The following ISG20 variants were observed in gnomAD, a reference collection of about 807,000 sequenced individuals.
ISG20 encodes the protein interferon stimulated exonuclease gene 20, also known as interferon-stimulated gene 20 kDa protein.
Under a neutral mutation model 11.1 loss-of-function variants are expected in ISG20, and 8 were observed. The observed-to-expected ratio is 0.72, with a 90% CI of 0.42 to 1.30. ISG20 has a LOEUF of 1.30. Ranked by LOEUF, ISG20 falls within the 50% of genes most tolerant of loss-of-function variation. The probability of loss-of-function intolerance (pLI) is 0.01; values close to 1 mark genes in which losing one functional copy is unlikely to be tolerated. For synonymous variants in ISG20, 110 were observed against 101.7 expected (o/e 1.08, Z -0.49); for missense variants, 243 against 250.2 (o/e 0.97, Z 0.19).
intron 3 of ISG20, among the ~76,000 whole-genome samples, chr15:88,654,366 A>C (rs181313422): frequency 6.6e-6 from 1 of 152,168 alleles, no homozygotes; most frequent in African/African-American, 2.4e-5. Context: ...AAATAAAACA[A>C]TACAGCGTAA....
At chr15:88,652,592 G>T (rs146244798) in intron 3 of ISG20, among the ~76,000 whole-genome samples, 1 of 62,538 alleles carries the variant, frequency 1.6e-5, no homozygotes, top group Non-Finnish European at 3.2e-5. Context: ...CCACCTCCTC[G>T]CTCTTCTCCC....
intron 2 of ISG20, among the ~76,000 whole-genome samples, chr15:88,640,333 C>T (rs2058449448): frequency 6.6e-6 from 1 of 152,176 alleles, no homozygotes; most frequent in Non-Finnish European, 1.5e-5. Context: ...CCGTGCCAGG[C>T]TCCAGGTGCT....
At chr15:88,644,766 A>C (rs2141394526) in intron 2 of ISG20, among the ~76,000 whole-genome samples, 1 of 152,320 alleles carries the variant, frequency 6.6e-6, no homozygotes, top group East Asian at 1.9e-4. Context: ...CCCCGCCCTC[A>C]GATTCCCACT....
Position 88,639,654 on chromosome 15 carries a change from C to T in ISG20, c.228+60C>T. 3.0e-6 allele frequency: 4 copies of T among 1,343,592 alleles called. No homozygotes were observed. The South Asian group carries it at 3.6e-5, about 12-fold the overall frequency. The allele number at this position is 1,343,592 out of a possible 1,614,324, so 83.2% of individuals were successfully genotyped here. A position where few individuals can be genotyped will look rare whatever the true frequency, so the allele number is the denominator to read the frequency against. ...ATAACCCCTCTCCCACTTCCCTGGC[C>T]CCTCTTCCCTGGTGCCCATCTGTGA... On this transcript the variant is annotated intron_variant, in intron 2 of 3. Coordinates refer to ENST00000306072, the MANE Select transcript of ISG20 (RefSeq NM_002201.6). This position sits in a 1 kb window ranked among gnomAD's most constrained non-coding sequence, Gnocchi z 4.2.
Position 88,650,456 on chromosome 15 carries a change from C to T in ISG20, c.229-1654C>T. 6.9e-7 allele frequency: 1 copy of T among 1,455,502 alleles called. No individual in the cohort carries two copies. Among genetic ancestry groups the T allele is most frequent in the East Asian group, 2.5e-5 (1 of 39,888 alleles). The allele number at this position is 1,455,502 out of a possible 1,614,324, so 90.2% of individuals were successfully genotyped here. ...GGCTCTGGATTCATCCCACTGGCTT[C>T]AAGGCCTGGCTTTGCCACTAACTAG... On this transcript the variant is annotated intron_variant, in intron 2 of 3. Transcript: ENST00000306072. This position sits in a 1 kb window ranked among gnomAD's most constrained non-coding sequence, Gnocchi z 4.0.
Position 88,650,302 on chromosome 15 carries a change from A to T in ISG20, c.229-1808A>T. 6.5e-7 allele frequency: 1 copy of T among 1,535,612 alleles called. No homozygotes were observed. Among genetic ancestry groups the T allele is most frequent in the Non-Finnish European group, 8.7e-7 (1 of 1,146,854 alleles). The stretch of plus-strand genomic sequence containing the variant: ...GCTGACTGGCCTGTGTGACCAGAGC[A>T]GGGCAGGCTGTCCATGTGGGAGGCG... On this transcript the variant is annotated intron_variant, in intron 2 of 3. Coordinates refer to ENST00000306072, the MANE Select transcript of ISG20 (RefSeq NM_002201.6). This position sits in a 1 kb window ranked among gnomAD's most constrained non-coding sequence, Gnocchi z 4.0.
In ISG20 at chr15:88,639,577, G is replaced by A. The variant is rs771269112; in HGVS notation, c.211G>A (p.Ala71Thr). 3.1e-6 allele frequency: 5 copies of A among 1,614,108 alleles called. No homozygotes were observed. Among genetic ancestry groups the A allele is most frequent in the Non-Finnish European group, 4.2e-6 (5 of 1,180,006 alleles). Residue 71 changes from alanine to threonine, a missense_variant, in exon 2 of 4, where the codon GCC becomes ACC. Coordinates refer to ENST00000306072, the MANE Select transcript of ISG20 (RefSeq NM_002201.6). The surrounding 1 kb of genome is among the most constrained non-coding windows in gnomAD (Gnocchi z 4.2). Reference protein sequence around the residue: ...PQHMVGATPFAVARLEILQLL... With the variant: ...PQHMVGATPFTVARLEILQLL... ...GCACATGGTGGGGGCCACACCATTT[G>A]CCGTGGCCAGGCTAGAGGTGAGTGA...
rs1224513435 is a variant in ISG20 at position 88,650,642 on chromosome 15, T to C, written c.229-1468T>C. The C allele has an allele frequency of 2.8e-6, 1 of 356,566 alleles. No homozygotes were observed. Among genetic ancestry groups the C allele is most frequent in the African/African-American group, 2.1e-5 (1 of 47,172 alleles). The allele number at this position is 356,566 out of a possible 1,614,324, so 22.1% of individuals were successfully genotyped here. On this transcript the variant is annotated intron_variant, in intron 2 of 3. Transcript: ENST00000306072. The surrounding 1 kb of genome is among the most constrained non-coding windows in gnomAD (Gnocchi z 4.0). ...TTAAGGCACCTTGAAGGCTGGGGGC[T>C]GGAACCATTGGAAGGTTTGCTCACC...
intron 2 of ISG20, chr15:88,651,876 T>G: frequency 7.2e-7 from 1 of 1,386,234 alleles, no homozygotes; most frequent in Non-Finnish European, 9.4e-7. Context: ...CCTACACAGT[T>G]CAGCTCCTGA....
Position 88,655,630 on chromosome 15 carries a change from C to T in ISG20, c.*99C>T. ...AAATACATTTTTAATAGTAAAGTGGCTCTATATTTTCTCTACGCCATCACT... is the reference window on the plus strand; with the variant it reads ...AAATACATTTTTAATAGTAAAGTGGTTCTATATTTTCTCTACGCCATCACT... On this transcript the variant is annotated 3_prime_UTR_variant, in exon 4 of 4. Coordinates refer to ENST00000306072, the MANE Select transcript of ISG20 (RefSeq NM_002201.6). 1 of 792,282 alleles carries T rather than the reference C, an allele frequency of 1.3e-6. No homozygotes were observed. The highest frequency in any genetic ancestry group is 1.7e-5 in the South Asian group (1 of 59,440). 49.1% of individuals were successfully genotyped at this position (792,282 alleles called of 1,614,324 possible). A position where few individuals can be genotyped will look rare whatever the true frequency, so the allele number is the denominator to read the frequency against.
At position 88,650,304 on chromosome 15, in the gene ISG20, G is replaced by C. The variant is rs2058251914; in HGVS notation, c.229-1806G>C. 4.6e-6 allele frequency: 7 copies of C among 1,535,588 alleles called. No homozygotes were observed. Among genetic ancestry groups the C allele is most frequent in the Admixed American group, 2.0e-5 (1 of 50,980 alleles). On this transcript the variant is annotated intron_variant, in intron 2 of 3. Transcript: ENST00000306072. The surrounding 1 kb of genome is among the most constrained non-coding windows in gnomAD (Gnocchi z 4.0). ...TGACTGGCCTGTGTGACCAGAGCAG[G>C]GCAGGCTGTCCATGTGGGAGGCGAG...
intron 3 of ISG20, among the ~76,000 whole-genome samples, chr15:88,654,513 C>T (rs970033716): frequency 2.0e-5 from 3 of 152,200 alleles, no homozygotes; most frequent in African/African-American, 7.2e-5. Flanking sequence ...CAAGAAAACG[C>T]AGCCAGGTCC....
intron 2 of ISG20, among the ~76,000 whole-genome samples, chr15:88,645,774 C>G (rs2058162253): frequency 6.6e-6 from 1 of 152,172 alleles, no homozygotes; most frequent in Admixed American, 6.5e-5. Context: ...CACTCCTGCC[C>G]ACCATCGCTG....
Position 88,643,456 on chromosome 15 carries a change from C to T in ISG20, c.228+3862C>T, listed in dbSNP as rs1245993244. 6.6e-6 allele frequency among the ~76,000 whole-genome samples: 1 copy of T among 152,106 alleles called. No homozygotes were observed. The highest frequency in any genetic ancestry group is 1.9e-4 in the East Asian group (1 of 5,196). On this transcript the variant is annotated intron_variant, in intron 2 of 3. Coordinates refer to ENST00000306072, the MANE Select transcript of ISG20 (RefSeq NM_002201.6). The surrounding 1 kb of genome is among the most constrained non-coding windows in gnomAD (Gnocchi z 4.4). The stretch of plus-strand genomic sequence containing the variant: ...CAGTGGTTCACACCTGTAATCTCAG[C>T]ACTTTGGGAGGCTGAGGCAGGTGGA...
intron 2 of ISG20, chr15:88,647,356 C>T (rs908427745): frequency 2.6e-5 from 4 of 152,036 alleles, no homozygotes; most frequent in African/African-American, 9.7e-5. Context: ...GGATATTTAG[C>T]AATGTTGGGA....
Position 88,640,434 on chromosome 15 carries a change from C to G in ISG20, c.228+840C>G, listed in dbSNP as rs2058060708. ...AGCACTGGCCATTCCTGAGCTCATTCACTCCTCACAAACAGCCCTGCCAGG... is the reference window on the plus strand; with the variant it reads ...AGCACTGGCCATTCCTGAGCTCATTGACTCCTCACAAACAGCCCTGCCAGG... On this transcript the variant is annotated intron_variant, in intron 2 of 3. Transcript: ENST00000306072. Among the ~76,000 whole-genome samples, 3 of 152,238 alleles carry G rather than the reference C, an allele frequency of 2.0e-5. No homozygotes were observed. The South Asian group carries it at 6.2e-4, about 31-fold the overall frequency.
At position 88,649,764 on chromosome 15, in the gene ISG20, G is replaced by A. The variant is rs146202102; in HGVS notation, c.229-2346G>A. 44 of 162,946 alleles carry A rather than the reference G, an allele frequency of 2.7e-4. No homozygotes were observed. In the East Asian group the frequency reaches 7.5e-3, roughly 28 times the overall value. 10.1% of individuals were successfully genotyped at this position (162,946 alleles called of 1,614,324 possible). A position where few individuals can be genotyped will look rare whatever the true frequency, so the allele number is the denominator to read the frequency against. Reference sequence around the variant, plus strand: ...TGACCTCTAGCACACTCAAGTTTGAGAAGCGCTGGTGTGGTTCAGGAGCAG... The same window carrying A: ...TGACCTCTAGCACACTCAAGTTTGAAAAGCGCTGGTGTGGTTCAGGAGCAG... On this transcript the variant is annotated intron_variant, in intron 2 of 3. Transcript: ENST00000306072.
Position 88,652,252 on chromosome 15 carries a change from A to G in ISG20, c.371A>G (p.His124Arg), listed in dbSNP as rs1316432188. The G allele has an allele frequency of 6.2e-7, 1 of 1,613,790 alleles. No homozygotes were observed. Among genetic ancestry groups the G allele is most frequent in the Admixed American group, 1.7e-5 (1 of 60,008 alleles). ...RLLWREAKLD[H>R]CRRVSLRVLS... ...TTGTGGCGTGAGGCCAAGCTGGACCACTGCAGGCGTGTCTCCCTGCGGGTG... is the reference window on the plus strand; with the variant it reads ...TTGTGGCGTGAGGCCAAGCTGGACCGCTGCAGGCGTGTCTCCCTGCGGGTG... The change falls in exon 3 of 4, where the codon CAC (histidine) becomes CGC (arginine). Residue 124 changes from histidine to arginine, a missense_variant. His to Arg is a conservative substitution (Grantham distance 29, BLOSUM62 0). Transcript: ENST00000306072.
chr15:88,636,424 T>TCCAG (rs1262507214), upstream of ISG20: 5 of 152,056 alleles, frequency 3.3e-5, no homozygotes, highest in Non-Finnish European at 5.9e-5. Flanking sequence ...CCAGGCAGGG[T>TCCAG]TCTAGGTGCT....
Sources: allele counts gnomAD v4.1 joint callset (sites outside exome capture counted in the v4.1 genomes callset), GRCh38; gene constraint gnomAD v4.1.1; non-coding constraint Gnocchi (gnomAD v3.1); transcripts MANE v1.5; gene names NCBI Gene and HGNC (gene_info 2026-07-23, HGNC 2026-07-21).